IGSF11: variants seen among roughly 807,000 people sequenced by gnomAD.
IGSF11 encodes the protein CXADR like 1.
Under a neutral mutation model 41.0 loss-of-function variants are expected in IGSF11, and 22 were observed. The ratio of observed to expected loss-of-function variants is 0.54; its 90% CI spans 0.38 to 0.77. IGSF11 has a LOEUF of 0.77. Ranked by LOEUF, IGSF11 falls within the 30% of genes least tolerant of loss-of-function variation. The probability of loss-of-function intolerance (pLI) is 0.00; values close to 1 mark genes in which losing one functional copy is unlikely to be tolerated. For missense variants in IGSF11, 444 were observed against 530.8 expected (o/e 0.84, Z 1.61); for synonymous variants, 219 against 201.3 (o/e 1.09, Z -0.74).
intron 1 of IGSF11, among the ~76,000 whole-genome samples, chr3:119,112,128 C>A (rs1249887811): frequency 6.6e-6 from 1 of 152,226 alleles, no homozygotes; most frequent in African/African-American, 2.4e-5. Context: ...TCAAAGCTGT[C>A]AGACAGGGAC....
At chr3:119,103,293 G>A (rs1306731859) in intron 1 of IGSF11, among the ~76,000 whole-genome samples, 2 of 152,176 alleles carry the variant, frequency 1.3e-5, no homozygotes, top group Non-Finnish European at 2.9e-5. Flanking sequence ...CGCCGCGCCC[G>A]GCCCAAAATT....
At chr3:119,023,262 CAAAAAAAAAAAAAAAAAAAA>C (rs3049118) in intron 1 of IGSF11, among the ~76,000 whole-genome samples, 3 of 60,246 alleles carry the variant, frequency 5.0e-5, no homozygotes, top group African/African-American at 6.7e-5. Flanking sequence ...GACTCCGTCT[CAAAAAAAAAAAAAAAAAAAA>C]AAAAAAAAAA....
chr3:119,059,582 A>T (rs1941989287), intron 1 of IGSF11, among the ~76,000 whole-genome samples: 1 of 152,184 alleles, frequency 6.6e-6, no homozygotes, highest in Non-Finnish European at 1.5e-5. Context: ...GGATACATTT[A>T]TTATTTTTCA....
At chr3:119,140,189 CA>C (rs1448164516) in intron 1 of IGSF11, among the ~76,000 whole-genome samples, 1 of 151,852 alleles carries the variant, frequency 6.6e-6, no homozygotes, top group Admixed American at 6.6e-5. Flanking sequence ...ACCCTCCCCC[CA>C]AAAAAACCAA....
chr3:119,029,046 A>G (rs769707803), intron 1 of IGSF11, among the ~76,000 whole-genome samples: 54 of 143,932 alleles, frequency 3.8e-4, no homozygotes, highest in Non-Finnish European at 6.5e-4. Context: ...TTAAAATATG[A>G]AAAAAAAAGA....
chr3:118,960,003 C>G (rs1346046359), intron 1 of IGSF11, among the ~76,000 whole-genome samples: 2 of 151,350 alleles, frequency 1.3e-5, no homozygotes, highest in Admixed American at 1.3e-4. Flanking sequence ...GGAGATCGCG[C>G]CACTGCACTA....
intron 1 of IGSF11, among the ~76,000 whole-genome samples, chr3:119,142,695 T>C (rs1288005043): frequency 2.6e-5 from 4 of 151,966 alleles, no homozygotes; most frequent in African/African-American, 9.7e-5. Context: ...AAAGAAGTAA[T>C]GGCTGAAAAT....
intron 4 of IGSF11, among the ~76,000 whole-genome samples, chr3:118,917,141 C>G (rs1941216176): frequency 6.7e-6 from 1 of 150,268 alleles, no homozygotes; most frequent in Non-Finnish European, 1.5e-5. Context: ...ACTAAATGCC[C>G]ACAAGAGAAA....
At chr3:119,013,065 T>C (rs1938314409) in intron 1 of IGSF11, 1 of 152,294 alleles carries the variant, frequency 6.6e-6, no homozygotes, top group Non-Finnish European at 1.5e-5. Context: ...CCTCTGTAAC[T>C]CTGCTTACCC....
Position 118,914,078 on chromosome 3 carries a change from C to G in IGSF11, c.581-8360G>C, listed in dbSNP as rs151324946. Among the ~76,000 whole-genome samples the G allele has an allele frequency of 3.5e-3, 534 of 151,946 alleles. 5 individuals are homozygous for G. The highest frequency in any genetic ancestry group is 0.012 in the African/African-American group (512 of 41,446). ...AGAGTTTTTTTTTACTTCTAGACTA[C>G]ATTAAATCAAGTATGCATTTGAGAA... On this transcript the variant is annotated intron_variant, in intron 4 of 6. Coordinates refer to ENST00000393775, the MANE Select transcript of IGSF11 (RefSeq NM_001015887.3).
intron 1 of IGSF11, among the ~76,000 whole-genome samples, chr3:119,072,711 C>T (rs375476012): frequency 4.6e-5 from 7 of 152,198 alleles, no homozygotes; most frequent in African/African-American, 1.2e-4. Context: ...CAGACCTTTG[C>T]GGTGAGTGTT....
intron 1 of IGSF11, among the ~76,000 whole-genome samples, chr3:119,067,691 A>C (rs1426648352): frequency 6.6e-6 from 1 of 151,980 alleles, no homozygotes; most frequent in Non-Finnish European, 1.5e-5. Flanking sequence ...TTCCATTCTA[A>C]CCCTGAATGA....
chr3:119,062,101 C>G (rs1277016927), intron 1 of IGSF11, among the ~76,000 whole-genome samples: 1 of 152,036 alleles, frequency 6.6e-6, no homozygotes, highest in Non-Finnish European at 1.5e-5. Flanking sequence ...TATGAAAATG[C>G]CCATTACAGT....
At chr3:118,997,504 C>T (rs1340743292) in intron 1 of IGSF11, among the ~76,000 whole-genome samples, 2 of 152,166 alleles carry the variant, frequency 1.3e-5, no homozygotes, top group African/African-American at 4.8e-5. Context: ...TTTCTTCAAA[C>T]TATTTTCACA....
upstream of IGSF11, among the ~76,000 whole-genome samples, chr3:119,110,187 G>A (rs1229554382): frequency 2.0e-5 from 3 of 152,016 alleles, no homozygotes; most frequent in Non-Finnish European, 4.4e-5. Flanking sequence ...GTTGACAGTG[G>A]GGTGTTAAAG....
At chr3:118,966,405 T>C (rs547780081) in intron 1 of IGSF11, among the ~76,000 whole-genome samples, 23 of 152,326 alleles carry the variant, frequency 1.5e-4, no homozygotes, top group Non-Finnish European at 2.9e-4. Flanking sequence ...CATGTTGCTT[T>C]TTTTCTACAC....
At chr3:118,911,448 GCTCACA>G (rs1455316067) in intron 4 of IGSF11, among the ~76,000 whole-genome samples, 5 of 152,140 alleles carry the variant, frequency 3.3e-5, no homozygotes, top group Admixed American at 3.3e-4. Context: ...GCGTGTGGTG[GCTCACA>G]CCTATAGTCC....
intron 1 of IGSF11, among the ~76,000 whole-genome samples, chr3:119,068,916 C>CTTTTTTTT (rs66923529): frequency 3.5e-5 from 4 of 114,134 alleles, no homozygotes; most frequent in African/African-American, 3.7e-5. Context: ...TGGTTATTTT[C>CTTTTTTTT]TTTTTTTTTT....
At chr3:118,953,521 G>A (rs1041499767) in intron 1 of IGSF11, among the ~76,000 whole-genome samples, 1 of 152,030 alleles carries the variant, frequency 6.6e-6, no homozygotes, top group African/African-American at 2.4e-5. Context: ...TCCCACCAGA[G>A]GTGTAAAATT....
Sources: allele counts gnomAD v4.1 joint callset (sites outside exome capture counted in the v4.1 genomes callset), GRCh38; gene constraint gnomAD v4.1.1; transcripts MANE v1.5; gene names NCBI Gene and HGNC (gene_info 2026-07-23, HGNC 2026-07-21).